KCNMB4: variants seen among roughly 807,000 people sequenced by gnomAD.
KCNMB4 encodes the protein calcium-activated potassium channel subunit beta-4.
A neutral mutation model predicts 20.7 loss-of-function variants in KCNMB4; 3 were observed. The ratio of observed to expected loss-of-function variants is 0.14; its 90% confidence interval spans 0.07 to 0.37. The LOEUF is 0.37. Among genes scored for constraint, KCNMB4 ranks in the 10% least tolerant of loss-of-function variants. The pLI is 1.00. For synonymous variants in KCNMB4, 110 were observed against 113.4 expected (o/e 0.97, Z 0.19); for missense variants, 168 against 265.9 (o/e 0.63, Z 2.56).
At chr12:70,367,102 C>T (rs1565851010) in intron 1 of KCNMB4, 32 bp downstream of exon 1, 3 of 1,468,832 alleles carry the variant, frequency 2.0e-6, no homozygotes, top group Non-Finnish European at 2.7e-6. Context: ...AGGGGCTCCC[C>T]GCGAGGGAGG....
chr12:70,370,704 A>G (rs962165061), intron 1 of KCNMB4, among the ~76,000 whole-genome samples: 1 of 151,942 alleles, frequency 6.6e-6, no homozygotes, highest in Non-Finnish European at 1.5e-5. Flanking sequence ...TTTAAAACCA[A>G]TAAGTTTAAA....
chr12:70,410,514 GATTA>G (rs1413423073), intron 2 of KCNMB4, among the ~76,000 whole-genome samples: 2 of 152,202 alleles, frequency 1.3e-5, no homozygotes, highest in African/African-American at 4.8e-5. Flanking sequence ...CTCTATCACT[GATTA>G]ATTGTACGAC....
In KCNMB4 at chr12:70,367,075, G is replaced by T; in HGVS notation, c.336+5G>T. 6.7e-7 allele frequency: 1 copy of T among 1,503,284 alleles called. No individual in the cohort carries two copies. The highest frequency in any genetic ancestry group is 1.3e-5 in the South Asian group (1 of 75,906). The allele number at this position is 1,503,284 out of a possible 1,614,324, so 93.1% of individuals were successfully genotyped here. A position where few individuals can be genotyped will look rare whatever the true frequency, so the allele number is the denominator to read the frequency against. ...CAGCTCCTGACCAACCCCAAGGTAA[G>T]AACGCCCCGCGCACCCAGGGGCTCC... On this transcript the variant is annotated splice_donor_5th_base_variant and intron_variant, in intron 1 of 2. Transcript: ENST00000258111.
chr12:70,401,836 G>A (rs896951483), intron 2 of KCNMB4, among the ~76,000 whole-genome samples: 5 of 151,964 alleles, frequency 3.3e-5, no homozygotes, highest in African/African-American at 1.2e-4. Flanking sequence ...TCCTTACAAC[G>A]TGGCAGCCTC....
chr12:70,388,914 C>G (rs1167199405), intron 1 of KCNMB4, among the ~76,000 whole-genome samples: 3 of 151,280 alleles, frequency 2.0e-5, no homozygotes, highest in Admixed American at 6.6e-5. Context: ...TAGTACTCCA[C>G]TGCTCCAAAC....
At chr12:70,392,249 G>T (rs1868305928) in intron 1 of KCNMB4, among the ~76,000 whole-genome samples, 6 of 152,132 alleles carry the variant, frequency 3.9e-5, no homozygotes. Context: ...CTCCATTAGA[G>T]AAATGCAAAT....
intron 2 of KCNMB4, among the ~76,000 whole-genome samples, chr12:70,413,190 A>C (rs1415691535): frequency 6.6e-6 from 1 of 152,212 alleles, no homozygotes; most frequent in Non-Finnish European, 1.5e-5. Context: ...CTGACATCCA[A>C]ATGGCTGTAC....
At chr12:70,412,011 T>C (rs1242981660) in intron 2 of KCNMB4, among the ~76,000 whole-genome samples, 6 of 151,956 alleles carry the variant, frequency 3.9e-5, no homozygotes, top group South Asian at 2.1e-4. Flanking sequence ...AGACAAGGGA[T>C]GGTAGGAGCT....
chr12:70,430,667 T>C lies in KCNMB4; in HGVS notation c.*14T>C. 6 of 1,597,278 alleles carry C rather than the reference T, an allele frequency of 3.8e-6. No homozygotes were observed. The highest frequency in any genetic ancestry group is 5.1e-6 in the Non-Finnish European group (6 of 1,175,170). The stretch of plus-strand genomic sequence containing the variant: ...AAGTTCTCTTAAAGGGGAAGGAGGC[T>C]TGTAGAAAGCAAAGTACAGAAGCTG... On this transcript the variant is annotated 3_prime_UTR_variant, in exon 3 of 3. Coordinates refer to ENST00000258111, the MANE Select transcript of KCNMB4 (RefSeq NM_014505.6).
At chr12:70,371,341 T>A (rs968953547) in intron 1 of KCNMB4, among the ~76,000 whole-genome samples, 1 of 152,204 alleles carries the variant, frequency 6.6e-6, no homozygotes, top group Admixed American at 6.5e-5. Context: ...TGAAGTTGGA[T>A]GTACCTAACT....
rs1301212003 is a variant in KCNMB4 at position 70,432,277 on chromosome 12, A to G, written c.*1624A>G. ...AATCTCCTGACCTTGTGATCTGCCC[A>G]CTTCACCTCCCAAAGTGCTGGGATT... On this transcript the variant is annotated 3_prime_UTR_variant, in exon 3 of 3. Transcript: ENST00000258111. 2 of 152,128 alleles carry G rather than the reference A, an allele frequency of 1.3e-5. No homozygotes were observed. Among genetic ancestry groups the G allele is most frequent in the Non-Finnish European group, 2.9e-5 (2 of 68,086 alleles). The allele number at this position is 152,128 out of a possible 1,614,324, so 9.4% of individuals were successfully genotyped here.
At chr12:70,422,229 G>C (rs1869086441) in intron 2 of KCNMB4, among the ~76,000 whole-genome samples, 1 of 152,120 alleles carries the variant, frequency 6.6e-6, no homozygotes, top group Non-Finnish European at 1.5e-5. Context: ...TTAAATGTTT[G>C]GACAGAAAAA....
chr12:70,400,690 G>A (rs763481282), intron 2 of KCNMB4, among the ~76,000 whole-genome samples: 5 of 152,110 alleles, frequency 3.3e-5, no homozygotes, highest in African/African-American at 7.2e-5. Flanking sequence ...CTGATGAAGC[G>A]TCAATAACGT....
At chr12:70,372,049 G>A (rs1455353980) in intron 1 of KCNMB4, among the ~76,000 whole-genome samples, 1 of 152,194 alleles carries the variant, frequency 6.6e-6, no homozygotes, top group African/African-American at 2.4e-5. Flanking sequence ...GAGGGGATGA[G>A]CAGAGACAGA....
intron 2 of KCNMB4, chr12:70,422,879 C>T: frequency 8.7e-7 from 1 of 1,153,088 alleles, no homozygotes; most frequent in Non-Finnish European, 1.1e-6. Flanking sequence ...AAGTCTATTA[C>T]TCTGGGAGCA....
intron 2 of KCNMB4, among the ~76,000 whole-genome samples, chr12:70,407,811 T>C (rs1270730560): frequency 1.3e-5 from 2 of 151,938 alleles, no homozygotes; most frequent in South Asian, 2.1e-4. Flanking sequence ...TGGTTGGTTC[T>C]TCTGACAACC....
chr12:70,392,499 A>G (rs961087578), intron 1 of KCNMB4, among the ~76,000 whole-genome samples: 17 of 152,318 alleles, frequency 1.1e-4, no homozygotes, highest in Admixed American at 1.0e-3. Flanking sequence ...TACCCAAAGG[A>G]TTATAAATCA....
Position 70,412,198 on chromosome 12 carries a change from A to G in KCNMB4, c.464+11862A>G, listed in dbSNP as rs539448995. On this transcript the variant is annotated intron_variant, in intron 2 of 2. Transcript: ENST00000258111. ...CCTGGGTAACTGTTTTGGAGGCACCATTAACTGGAATGTTCTGGGAAAGCC... is the reference window on the plus strand; with the variant it reads ...CCTGGGTAACTGTTTTGGAGGCACCGTTAACTGGAATGTTCTGGGAAAGCC... Among the ~76,000 whole-genome samples, 6 of 152,350 alleles carry G rather than the reference A, an allele frequency of 3.9e-5. No individual in the cohort carries two copies. The South Asian group carries it at 1.0e-3, about 26-fold the overall frequency.
chr12:70,424,918 A>G (rs1297466500), intron 2 of KCNMB4, among the ~76,000 whole-genome samples: 1 of 152,186 alleles, frequency 6.6e-6, no homozygotes, highest in Non-Finnish European at 1.5e-5. Flanking sequence ...GCCTCAAACA[A>G]CAACTAGACA....
Sources: allele counts gnomAD v4.1 joint callset (sites outside exome capture counted in the v4.1 genomes callset), GRCh38; gene constraint gnomAD v4.1.1; transcripts MANE v1.5; gene names NCBI Gene and HGNC (gene_info 2026-07-23, HGNC 2026-07-21).